Variants in KRT8 observed in about 807,000 individuals in gnomAD.
KRT8 encodes keratin 8.
In KRT8, 24 loss-of-function variants were observed where a neutral mutation model predicts 43.0. That is an observed-to-expected ratio of 0.56 (90% CI 0.40 to 0.78). KRT8 has a LOEUF of 0.78. KRT8 is among the 30% of genes least tolerant of loss of function. KRT8 has a pLI of 0.00. For missense variants in KRT8, 492 were observed against 638.4 expected (o/e 0.77, Z 2.47); for synonymous variants, 214 against 261.2 (o/e 0.82, Z 1.74).
chr12:52,936,549 G>T (rs1192148915), intron 2 of KRT8, among the ~76,000 whole-genome samples: 1 of 152,108 alleles, frequency 6.6e-6, no homozygotes, highest in African/African-American at 2.4e-5. Context: ...TTTCACTCTT[G>T]TTGCCCAGGC....
chr12:52,940,576 A>C (rs1403056400), intron 2 of KRT8, among the ~76,000 whole-genome samples: 1 of 150,832 alleles, frequency 6.6e-6, no homozygotes. Flanking sequence ...GGTGTCGGGG[A>C]GGAGGTGTGG....
chr12:52,897,482 G>C (rs77961911), exon 8 of KRT8: 1 of 1,359,786 alleles, frequency 7.4e-7, no homozygotes, highest in South Asian at 1.2e-5. Context: ...CACGTGTCTC[G>C]ATCTTCTTCA....
chr12:52,929,527 G>T (rs1349303184), intron 2 of KRT8, among the ~76,000 whole-genome samples: 2 of 152,080 alleles, frequency 1.3e-5, no homozygotes, highest in East Asian at 3.9e-4. Context: ...TTGGCTTCCT[G>T]ACATTGCCTT....
At chr12:52,911,537 A>G (rs553403351), upstream of KRT8, among the ~76,000 whole-genome samples, 51 of 152,310 alleles carry the variant, frequency 3.3e-4, no homozygotes, top group Admixed American at 3.3e-3. Flanking sequence ...ACAATAACAC[A>G]TACAGTGCAA....
At chr12:52,920,994 C>A (rs568241256) in intron 2 of KRT8, among the ~76,000 whole-genome samples, 119 of 152,362 alleles carry the variant, frequency 7.8e-4, no homozygotes, top group Non-Finnish European at 1.5e-3. Flanking sequence ...GCCCCCACCC[C>A]ATTCCCTGGT....
intron 1 of KRT8, chr12:52,903,369 T>G (rs1477885444): frequency 6.6e-6 from 1 of 152,236 alleles, no homozygotes; most frequent in Non-Finnish European, 1.5e-5. Flanking sequence ...AGCCTATGCT[T>G]AGCTGCTCTC....
intron 2 of KRT8, among the ~76,000 whole-genome samples, chr12:52,927,004 CT>C (rs529418415): frequency 7.2e-4 from 110 of 152,304 alleles, no homozygotes; most frequent in African/African-American, 2.6e-3. Context: ...GTCCTCTTCT[CT>C]ACTCTGACCC....
chr12:52,901,432 T>A, intron 2 of KRT8: 1 of 618,442 alleles, frequency 1.6e-6, no homozygotes, highest in South Asian at 1.8e-5. Flanking sequence ...TCCAAATCCA[T>A]GAATACACAT....
chr12:52,941,227 C>CAGCTAATTTTGTATTTTTA (rs1942262705), intron 2 of KRT8, among the ~76,000 whole-genome samples: 1 of 151,542 alleles, frequency 6.6e-6, no homozygotes, highest in Non-Finnish European at 1.5e-5. Context: ...CCACCACGCC[C>CAGCTAATTTTGTATTTTTA]GTCTATAAAT....
chr12:52,909,741 T>G (rs1941594775), upstream of KRT8, among the ~76,000 whole-genome samples: 1 of 152,224 alleles, frequency 6.6e-6, no homozygotes, highest in Non-Finnish European at 1.5e-5. Flanking sequence ...TCTGAAAGCT[T>G]TTGATCCACA....
At chr12:52,901,833 T>C in intron 2 of KRT8, 31 bp downstream of exon 2, 1 of 1,507,090 alleles carries the variant, frequency 6.6e-7, no homozygotes. Context: ...GCACGGTGAC[T>C]TCAGTTGGGT....
At chr12:52,935,378 C>CAAAAAAAAAAAAAAAAAAAAAAA (rs71092794) in intron 2 of KRT8, among the ~76,000 whole-genome samples, 1 of 23,726 alleles carries the variant, frequency 4.2e-5, no homozygotes. Flanking sequence ...GACTCTGTCT[C>CAAAAAAAAAAAAAAAAAAAAAAA]AAAAAAAAAA....
chr12:52,921,224 C>CCA, intron 2 of KRT8, among the ~76,000 whole-genome samples: 1 of 152,198 alleles, frequency 6.6e-6, no homozygotes, highest in East Asian at 1.9e-4. Context: ...TTCCCCAAGG[C>CCA]CACATTCTAC....
chr12:52,926,363 C>CT (rs754223581), intron 2 of KRT8: 1 of 1,442,448 alleles, frequency 6.9e-7, no homozygotes, highest in Non-Finnish European at 9.4e-7. Context: ...GGACTGTGCC[C>CT]TCCTCTCCTG....
At chr12:52,906,159 A>G (rs139349995), upstream of KRT8, among the ~76,000 whole-genome samples, 1,135 of 152,262 alleles carry the variant, frequency 7.5e-3, 6 homozygotes, top group Non-Finnish European at 0.013. Flanking sequence ...CCAAGATCCT[A>G]GGATCCCCTG....
At chr12:52,924,785 C>T (rs1250803102) in intron 2 of KRT8, among the ~76,000 whole-genome samples, 1 of 152,166 alleles carries the variant, frequency 6.6e-6, no homozygotes, top group Non-Finnish European at 1.5e-5. Context: ...TGCCTTCCTC[C>T]CCTCAGCTAA....
exon 3 of KRT8, chr12:52,901,175 A>G: frequency 6.2e-7 from 1 of 1,611,502 alleles, no homozygotes; most frequent in South Asian, 1.1e-5. Context: ...GATGAGGACA[A>G]ATTCGTTCTC....
intron 2 of KRT8, among the ~76,000 whole-genome samples, chr12:52,924,430 C>G (rs888722758): frequency 6.9e-6 from 1 of 144,100 alleles, no homozygotes; most frequent in Non-Finnish European, 1.5e-5. Flanking sequence ...GCCTGGGCGA[C>G]AGAGGGAGAC....
At chr12:52,900,390 ACT>A (rs1188031435) in intron 4 of KRT8, among the ~76,000 whole-genome samples, 196 bp downstream of exon 4, 1 of 152,128 alleles carries the variant, frequency 6.6e-6, no homozygotes, top group Non-Finnish European at 1.5e-5. Flanking sequence ...TGGGGTAATG[ACT>A]CATCCCTCAT....
Sources: allele counts gnomAD v4.1 joint callset (sites outside exome capture counted in the v4.1 genomes callset), GRCh38; gene constraint gnomAD v4.1.1; transcripts MANE v1.5; gene names NCBI Gene and HGNC (gene_info 2026-07-23, HGNC 2026-07-21).